DGUOK: variants seen among roughly 807,000 people sequenced by gnomAD.
DGUOK encodes deoxyguanosine kinase, mitochondrial.
In DGUOK, 30 loss-of-function variants were observed where a neutral mutation model predicts 36.6. The observed-to-expected ratio is 0.82, with a 90% CI of 0.61 to 1.11. DGUOK has a LOEUF of 1.11. Among genes scored for constraint, DGUOK ranks in the 50% most tolerant of loss-of-function variants. The pLI is 0.00. For synonymous variants in DGUOK, 145 were observed against 126.3 expected (o/e 1.15, Z -0.99); for missense variants, 361 against 336.4 (o/e 1.07, Z -0.57).
At chr2:73,948,915 C>T (rs1457519384) in intron 3 of DGUOK, among the ~76,000 whole-genome samples, 1 of 152,170 alleles carries the variant, frequency 6.6e-6, no homozygotes, top group Non-Finnish European at 1.5e-5. Flanking sequence ...GAACCCCTTT[C>T]ATAGGGCTTA....
At chr2:73,930,047 G>T (rs1175408799) in intron 1 of DGUOK, among the ~76,000 whole-genome samples, 1 of 152,220 alleles carries the variant, frequency 6.6e-6, no homozygotes, top group Non-Finnish European at 1.5e-5. Context: ...AAGCAAGAAA[G>T]AATGGAATCT....
At chr2:73,929,350 T>C (rs944367944) in intron 1 of DGUOK, among the ~76,000 whole-genome samples, 2 of 152,314 alleles carry the variant, frequency 1.3e-5, no homozygotes, top group Non-Finnish European at 2.9e-5. Flanking sequence ...GCTCAATTGA[T>C]CCTCCTGCCT....
intron 3 of DGUOK, among the ~76,000 whole-genome samples, 197 bp from the exon 4 acceptor site, chr2:73,950,388 T>A (rs191967958): frequency 2.8e-4 from 42 of 152,324 alleles, no homozygotes; most frequent in African/African-American, 9.4e-4. Context: ...TTTCCCATCT[T>A]AGTACTGAGC....
At chr2:73,945,590 G>C (rs1168700326) in intron 2 of DGUOK, among the ~76,000 whole-genome samples, 1 of 152,200 alleles carries the variant, frequency 6.6e-6, no homozygotes, top group Non-Finnish European at 1.5e-5. Flanking sequence ...AGTAAAGGTT[G>C]AAATAAATGT....
chr2:73,931,385 C>T (rs1353360300), intron 1 of DGUOK, among the ~76,000 whole-genome samples: 1 of 152,198 alleles, frequency 6.6e-6, no homozygotes, highest in Non-Finnish European at 1.5e-5. Flanking sequence ...AGTGATTCTC[C>T]TGTCTCAGCC....
intron 2 of DGUOK, among the ~76,000 whole-genome samples, chr2:73,942,983 A>G (rs1682008125): frequency 6.6e-6 from 1 of 152,204 alleles, no homozygotes; most frequent in African/African-American, 2.4e-5. Flanking sequence ...AGTATTAGTC[A>G]TAGATTTAAT....
chr2:73,940,915 A>G (rs1233710660), intron 2 of DGUOK, among the ~76,000 whole-genome samples: 1 of 152,228 alleles, frequency 6.6e-6, no homozygotes, highest in East Asian at 1.9e-4. Context: ...TTCTCAGAAC[A>G]TATTCCTGTT....
chr2:73,938,497 G>C (rs551709749), intron 1 of DGUOK, among the ~76,000 whole-genome samples: 1 of 152,292 alleles, frequency 6.6e-6, no homozygotes, highest in South Asian at 2.1e-4. Context: ...TTTGTTGAAT[G>C]AATGAGATTA....
At chr2:73,942,433 G>T (rs1681971168) in intron 2 of DGUOK, among the ~76,000 whole-genome samples, 1 of 151,986 alleles carries the variant, frequency 6.6e-6, no homozygotes, top group Non-Finnish European at 1.5e-5. Flanking sequence ...TTCACAAATG[G>T]TTATCTACTT....
intron 2 of DGUOK, among the ~76,000 whole-genome samples, chr2:73,939,386 T>A (rs1406603085): frequency 2.0e-5 from 3 of 152,242 alleles, no homozygotes; most frequent in African/African-American, 7.2e-5. Flanking sequence ...GATTTTAACT[T>A]TTTAAATAAA....
At chr2:73,928,710 C>T (rs148911644) in intron 1 of DGUOK, among the ~76,000 whole-genome samples, 9 of 152,124 alleles carry the variant, frequency 5.9e-5, no homozygotes, top group East Asian at 1.9e-4. Flanking sequence ...TTAATCTTAC[C>T]GAGATGGGTA....
chr2:73,957,341 G>T, intron 5 of DGUOK, 101 bp downstream of exon 5: 6 of 837,728 alleles, frequency 7.2e-6, no homozygotes, highest in Middle Eastern at 2.2e-4. Context: ...GGAAGGTTCA[G>T]AATATACTGG....
chr2:73,952,044 C>T (rs1682742928), intron 4 of DGUOK, among the ~76,000 whole-genome samples: 1 of 152,044 alleles, frequency 6.6e-6, no homozygotes, highest in African/African-American at 2.4e-5. Flanking sequence ...GTTATGTGTG[C>T]CTGTGGTTTT....
In DGUOK at chr2:73,926,961, C is replaced by A. The variant is rs1403205461; in HGVS notation, c.51C>A (p.Ser17=). Residue 17 remains serine, a synonymous_variant, in exon 1 of 7, where the codon TCC becomes TCA. Transcript: ENST00000264093. ...FLSRLRAPFS[S]MAKSPLEGVS... is the part of the protein sequence containing the mutation. ...GTCGGCTTCGAGCACCCTTCAGTTC[C>A]ATGGCCAAGAGCCCACTCGAGGGCG... 1.2e-6 allele frequency: 2 copies of A among 1,613,342 alleles called. No individual in the cohort carries two copies. Among genetic ancestry groups the A allele is most frequent in the Non-Finnish European group, 1.7e-6 (2 of 1,180,040 alleles).
intron 1 of DGUOK, among the ~76,000 whole-genome samples, chr2:73,935,026 A>C (rs1275736413): frequency 2.0e-5 from 3 of 152,130 alleles, no homozygotes. Context: ...CAGTGAGCCG[A>C]GATTGTGCCA....
chr2:73,927,781 A>T (rs981238823), intron 1 of DGUOK, among the ~76,000 whole-genome samples: 1 of 152,276 alleles, frequency 6.6e-6, no homozygotes, highest in Non-Finnish European at 1.5e-5. Flanking sequence ...AAGGCAAAGC[A>T]TTTCGATTTA....
chr2:73,939,115 G>A (rs1681710994), intron 2 of DGUOK, 93 bp downstream of exon 2: 3 of 817,656 alleles, frequency 3.7e-6, no homozygotes, highest in South Asian at 1.4e-5. Context: ...AAGTAGCCCA[G>A]TTTGAGTATC....
chr2:73,929,677 C>G (rs892148720), intron 1 of DGUOK, among the ~76,000 whole-genome samples: 1 of 152,044 alleles, frequency 6.6e-6, no homozygotes, highest in Admixed American at 6.5e-5. Context: ...TCCTGGAAGC[C>G]AAGTGAAGAA....
intron 3 of DGUOK, among the ~76,000 whole-genome samples, chr2:73,949,680 C>G (rs749380678): frequency 6.6e-6 from 1 of 152,190 alleles, no homozygotes; most frequent in Non-Finnish European, 1.5e-5. Flanking sequence ...CACAAGGGTT[C>G]TGAATTTTAT....
Sources: allele counts gnomAD v4.1 joint callset (sites outside exome capture counted in the v4.1 genomes callset), GRCh38; gene constraint gnomAD v4.1.1; transcripts MANE v1.5; gene names NCBI Gene and HGNC (gene_info 2026-07-23, HGNC 2026-07-21).